The following UPF1 variants were observed in gnomAD, a reference collection of about 807,000 sequenced individuals.
UPF1 encodes the protein UPF1 RNA helicase and ATPase.
In UPF1, 9 loss-of-function variants were observed where a neutral mutation model predicts 129.2. The ratio of observed to expected loss-of-function variants is 0.07; its 90% CI spans 0.04 to 0.12. The LOEUF is 0.12. Ranked by LOEUF, UPF1 falls within the 10% of genes least tolerant of loss-of-function variation. UPF1 has a pLI of 1.00. For missense variants in UPF1, 788 were observed against 1,525.3 expected, an observed-to-expected ratio of 0.52 and a Z score of 8.05; for synonymous variants, 649 against 644.9, an observed-to-expected ratio of 1.01 and a Z score of -0.10.
chr19:18,859,189 G>A (rs1436905012), intron 15 of UPF1, among the ~76,000 whole-genome samples: 21 of 152,362 alleles, frequency 1.4e-4, no homozygotes, highest in Non-Finnish European at 1.5e-4. Context: ...TGGGAAAGGC[G>A]TGGCTCGGCG....
rs1009243568 is a variant in UPF1 at position 18,863,622 on chromosome 19, T to C, written c.2775+10T>C. On this transcript the variant is annotated intron_variant, in intron 19 of 23. Coordinates refer to ENST00000262803, the MANE Select transcript of UPF1 (RefSeq NM_002911.4). ...CAACACTATCAACCCGGTGAGCGCC[T>C]GCACAGGACAGCAGGGCAGCACGGA... 2 of 1,609,798 alleles carry C rather than the reference T, an allele frequency of 1.2e-6. No homozygotes were observed. The highest frequency in any genetic ancestry group is 1.8e-4 in the Middle Eastern group (1 of 5,690).
intron 1 of UPF1, among the ~76,000 whole-genome samples, chr19:18,842,556 C>T (rs2055552527): frequency 6.6e-6 from 1 of 152,132 alleles, no homozygotes; most frequent in South Asian, 2.1e-4. Context: ...GGGCAGAATC[C>T]TTCCAGTTTG....
At chr19:18,861,838 AAAC>A (rs2055783313) in intron 17 of UPF1, among the ~76,000 whole-genome samples, 169 bp from the exon 18 acceptor site, 1 of 152,192 alleles carries the variant, frequency 6.6e-6, no homozygotes, top group Non-Finnish European at 1.5e-5. Context: ...TAAAAAAAGA[AAAC>A]AAAACGAAAT....
At chr19:18,855,845 C>A in intron 11 of UPF1, 80 bp from the exon 12 acceptor site, 2 of 1,539,694 alleles carry the variant, frequency 1.3e-6, no homozygotes, top group Non-Finnish European at 8.7e-7. Flanking sequence ...AAGACCCTGT[C>A]TCAAAAAACA....
rs756059616 is a variant in UPF1 at position 18,850,751 on chromosome 19, G to A, written c.693G>A (p.Pro231=). Residue 231 remains proline (P), a synonymous_variant, in exon 5 of 24, where the codon CCG becomes CCA. Transcript: ENST00000262803. This position sits in a 1 kb window ranked among gnomAD's most constrained non-coding sequence, Gnocchi z 7.1. ...DINWDSSQWQ[P]LIQDRCFLSW... ...ACTGGGACAGCTCGCAGTGGCAGCCGCTGATCCAGGACCGCTGCTTCCTGT... is the reference window on the plus strand; with the variant it reads ...ACTGGGACAGCTCGCAGTGGCAGCCACTGATCCAGGACCGCTGCTTCCTGT... 6.8e-6 allele frequency: 11 copies of A among 1,611,172 alleles called. No homozygotes were observed. Among genetic ancestry groups the A allele is most frequent in the East Asian group, 2.2e-5 (1 of 44,832 alleles).
chr19:18,848,815 G>T (rs956820120), intron 3 of UPF1, among the ~76,000 whole-genome samples: 1 of 152,208 alleles, frequency 6.6e-6, no homozygotes, highest in Non-Finnish European at 1.5e-5. Flanking sequence ...AGACATTCTT[G>T]TCCCATTTTC....
chr19:18,835,712 G>A (rs1013764011), intron 1 of UPF1, among the ~76,000 whole-genome samples: 1 of 152,204 alleles, frequency 6.6e-6, no homozygotes, highest in African/African-American at 2.4e-5. Context: ...ACCATGTTTT[G>A]TTTATCTCGT....
At chr19:18,842,667 C>A (rs1475346402) in intron 1 of UPF1, among the ~76,000 whole-genome samples, 2 of 152,006 alleles carry the variant, frequency 1.3e-5, no homozygotes, top group South Asian at 4.1e-4. Flanking sequence ...TTCCTATTCC[C>A]TCCCCTTTTT....
At chr19:18,848,674 T>C (rs886773013) in intron 3 of UPF1, among the ~76,000 whole-genome samples, 2 of 151,800 alleles carry the variant, frequency 1.3e-5, no homozygotes, top group African/African-American at 4.8e-5. Context: ...TCTCGGAGGG[T>C]TACAGATGGA....
At position 18,867,884 on chromosome 19, in the gene UPF1, C is replaced by CA. The variant is rs1193650583; in HGVS notation, c.*1368dup. The CA allele has an allele frequency of 5.3e-5, 8 of 152,370 alleles. No individual in the cohort carries two copies. Among genetic ancestry groups the CA allele is most frequent in the African/African-American group, 1.4e-4 (6 of 41,454 alleles). 9.4% of individuals were successfully genotyped at this position (152,370 alleles called of 1,614,324 possible). ...GAACACCTCCAGATTCCGGCTTCTA[C>CA]ATGGGACAGACGGGGACGCACAGGC... On this transcript the variant is annotated 3_prime_UTR_variant, in exon 24 of 24. Transcript: ENST00000262803.
At chr19:18,852,377 C>T in intron 6 of UPF1, 81 bp downstream of exon 6, 1 of 1,567,668 alleles carries the variant, frequency 6.4e-7, no homozygotes, top group East Asian at 2.3e-5. Flanking sequence ...GGGAGGTTTT[C>T]TCTCCAGGCT....
rs950357690 is a variant in UPF1 at position 18,855,741 on chromosome 19, A to G, written c.1545-184A>G. On this transcript the variant is annotated intron_variant, in intron 11 of 23. Coordinates refer to ENST00000262803, the MANE Select transcript of UPF1 (RefSeq NM_002911.4). ...CGTGCACCTGTGGTCCCAGCTACTCAGGAGGCTGAGGTGGGAGGATTGCTT... is the reference window on the plus strand; with the variant it reads ...CGTGCACCTGTGGTCCCAGCTACTCGGGAGGCTGAGGTGGGAGGATTGCTT... 6 of 815,250 alleles carry G rather than the reference A, an allele frequency of 7.4e-6. No individual in the cohort carries two copies. The African/African-American group carries it at 1.0e-4, about 14-fold the overall frequency. The allele number at this position is 815,250 out of a possible 1,614,324, so 50.5% of individuals were successfully genotyped here. A position where few individuals can be genotyped will look rare whatever the true frequency, so the allele number is the denominator to read the frequency against.
At chr19:18,837,868 G>A (rs1350488670) in intron 1 of UPF1, among the ~76,000 whole-genome samples, 4 of 152,180 alleles carry the variant, frequency 2.6e-5, no homozygotes, top group Non-Finnish European at 5.9e-5. Flanking sequence ...GGAAAAACAT[G>A]CTGTCTTTCT....
intron 14 of UPF1, 46 bp from the exon 15 acceptor site, chr19:18,857,274 A>AT: frequency 1.3e-6 from 2 of 1,579,888 alleles, no homozygotes; most frequent in Middle Eastern, 1.7e-4. Context: ...GTTGAGGCTG[A>AT]TTCACACCTG....
At position 18,850,739 on chromosome 19, in the gene UPF1, G is replaced by C; in HGVS notation, c.681G>C (p.Ser227=). 2 of 1,610,948 alleles carry C rather than the reference G, an allele frequency of 1.2e-6. No individual in the cohort carries two copies. Among genetic ancestry groups the C allele is most frequent in the East Asian group, 2.2e-5 (1 of 44,844 alleles). Residue 227 remains serine (S), a synonymous_variant, in exon 5 of 24, where the codon TCG becomes TCC. Coordinates refer to ENST00000262803, the MANE Select transcript of UPF1 (RefSeq NM_002911.4). This position sits in a 1 kb window ranked among gnomAD's most constrained non-coding sequence, Gnocchi z 7.1. ...SSLKDINWDS[S]QWQPLIQDRC... is the part of the protein sequence containing the mutation. Reference sequence around the variant, plus strand: ...TCAAGGACATCAACTGGGACAGCTCGCAGTGGCAGCCGCTGATCCAGGACC... The same window carrying C: ...TCAAGGACATCAACTGGGACAGCTCCCAGTGGCAGCCGCTGATCCAGGACC...
Position 18,865,485 on chromosome 19 carries a change from C to T in UPF1, c.3019+35C>T. 6.2e-7 allele frequency: 1 copy of T among 1,611,726 alleles called. No homozygotes were observed. Among genetic ancestry groups the T allele is most frequent in the South Asian group, 1.1e-5 (1 of 91,032 alleles). On this transcript the variant is annotated intron_variant, in intron 21 of 23. Coordinates refer to ENST00000262803, the MANE Select transcript of UPF1 (RefSeq NM_002911.4). The surrounding 1 kb of genome is among the most constrained non-coding windows in gnomAD (Gnocchi z 6.1). ...TGTGGCTGCGGCTGGGTGTGGCCCT[C>T]CTGAGAGCTCTTGAGGGTGTGCTTG...
intron 14 of UPF1, 82 bp from the exon 15 acceptor site, chr19:18,857,238 G>A: frequency 1.3e-6 from 2 of 1,519,238 alleles, no homozygotes; most frequent in Non-Finnish European, 1.8e-6. Flanking sequence ...GTGCATCCTG[G>A]GGCCCCTACT....
At chr19:18,856,801 T>C in intron 13 of UPF1, 76 bp from the exon 14 acceptor site, 1 of 1,527,336 alleles carries the variant, frequency 6.5e-7, no homozygotes. Context: ...AGCTTCTGTG[T>C]TCTGTCCCAC....
At chr19:18,837,497 C>A (rs1012585943) in intron 1 of UPF1, among the ~76,000 whole-genome samples, 10 of 152,216 alleles carry the variant, frequency 6.6e-5, no homozygotes, top group African/African-American at 2.2e-4. Flanking sequence ...TTCATGAGAA[C>A]CCCAAACCGG....
Sources: gnomAD v4.1 joint callset for allele counts (sites outside exome capture counted in the v4.1 genomes callset) on GRCh38, gnomAD v4.1.1 for gene constraint, Gnocchi (gnomAD v3.1) non-coding constraint, MANE v1.5 for transcripts, NCBI Gene and HGNC (gene_info 2026-07-23, HGNC 2026-07-21) for gene names.